MAGI1: variants seen among roughly 807,000 people sequenced by gnomAD.
MAGI1 encodes the protein membrane-associated guanylate kinase, WW and PDZ domain-containing protein 1.
MAGI1 carries 58 observed loss-of-function variants against 139.9 expected under a neutral mutation model. The observed-to-expected ratio is 0.41, with a 90% CI of 0.34 to 0.52. MAGI1 has a LOEUF of 0.52. Ranked by LOEUF, MAGI1 falls within the 20% of genes least tolerant of loss-of-function variation. MAGI1 has a pLI of 0.12. For missense variants in MAGI1, 1,874 were observed against 1,901.6 expected, an observed-to-expected ratio of 0.99 and a Z score of 0.27; for synonymous variants, 812 against 737.9, an observed-to-expected ratio of 1.10 and a Z score of -1.63.
At chr3:65,476,834 G>T (rs1164277826) in intron 4 of MAGI1, among the ~76,000 whole-genome samples, 2 of 152,096 alleles carry the variant, frequency 1.3e-5, no homozygotes, top group Admixed American at 1.3e-4. Context: ...ATTTTGGTAA[G>T]GGCCACTATA....
At chr3:65,574,251 A>G (rs777270849) in intron 2 of MAGI1, among the ~76,000 whole-genome samples, 1 of 151,020 alleles carries the variant, frequency 6.6e-6, no homozygotes, top group South Asian at 2.1e-4. Context: ...GTATATATAT[A>G]TACATACATA....
At chr3:66,006,707 C>T (rs1429047143) in intron 1 of MAGI1, among the ~76,000 whole-genome samples, 1 of 152,158 alleles carries the variant, frequency 6.6e-6, no homozygotes, top group Non-Finnish European at 1.5e-5. Context: ...AACATATCAA[C>T]ACACAGACAC....
chr3:65,592,946 G>A (rs537427965), intron 2 of MAGI1, among the ~76,000 whole-genome samples: 5 of 151,988 alleles, frequency 3.3e-5, no homozygotes, highest in African/African-American at 1.2e-4. Flanking sequence ...GAGGGCAGGG[G>A]GTTTTTATAT....
At position 65,612,249 on chromosome 3, in the gene MAGI1, G is replaced by C. The variant is rs139160022; in HGVS notation, c.430+9723C>G. Among the ~76,000 whole-genome samples, 109 of 152,114 alleles carry C rather than the reference G, an allele frequency of 7.2e-4. 1 individual carries two copies. Among genetic ancestry groups the C allele is most frequent in the African/African-American group, 2.5e-3 (103 of 41,532 alleles). On this transcript the variant is annotated intron_variant, in intron 2 of 22. Transcript: ENST00000402939. ...TAGAAAATATCAAATTTACAGAACAGTGCAAGAATAAGAATAGTACAAATA... is the reference window on the plus strand; with the variant it reads ...TAGAAAATATCAAATTTACAGAACACTGCAAGAATAAGAATAGTACAAATA...
At chr3:65,564,731 C>A (rs1337554947) in intron 2 of MAGI1, among the ~76,000 whole-genome samples, 1 of 152,204 alleles carries the variant, frequency 6.6e-6, no homozygotes. Flanking sequence ...GTACTCTAAC[C>A]TGCAGCTAGG....
intron 5 of MAGI1, among the ~76,000 whole-genome samples, chr3:65,455,774 GT>G (rs949115143): frequency 6.6e-6 from 1 of 152,080 alleles, no homozygotes; most frequent in African/African-American, 2.4e-5. Flanking sequence ...TAAAAAGAAT[GT>G]TATGTAAATG....
At chr3:65,419,221 T>TACACACACACACACAC (rs71102854) in intron 12 of MAGI1, among the ~76,000 whole-genome samples, 1,185 of 86,270 alleles carry the variant, frequency 0.014, 8 homozygotes, top group African/African-American at 0.054. Flanking sequence ...AACACATTCA[T>TACACACACACACACAC]ACACACACAC....
chr3:65,832,875 G>A (rs2042601666), intron 1 of MAGI1, among the ~76,000 whole-genome samples: 1 of 152,092 alleles, frequency 6.6e-6, no homozygotes, highest in Admixed American at 6.6e-5. Flanking sequence ...TCAATGTGGG[G>A]GAGCTTGAAT....
chr3:66,002,613 A>T (rs543037859), intron 1 of MAGI1, among the ~76,000 whole-genome samples: 2 of 152,080 alleles, frequency 1.3e-5, no homozygotes, highest in Non-Finnish European at 2.9e-5. Context: ...CCTCCCTGGT[A>T]GAGGGATTCT....
rs2077020194 is a variant in MAGI1 at position 65,499,932 on chromosome 3, G to A, written c.431-6301C>T. On this transcript the variant is annotated intron_variant, in intron 2 of 22. Transcript: ENST00000402939. ...TATCAATAGGCAGGTAACTGTCTTG[G>A]CATTTTATAAACTGAATGAAATCAT... 2.0e-5 allele frequency among the ~76,000 whole-genome samples: 3 copies of A among 152,078 alleles called. No homozygotes were observed. The South Asian group carries it at 6.2e-4, about 32-fold the overall frequency.
At chr3:65,681,755 C>G (rs1260803517) in intron 1 of MAGI1, among the ~76,000 whole-genome samples, 1 of 152,120 alleles carries the variant, frequency 6.6e-6, no homozygotes, top group African/African-American at 2.4e-5. Flanking sequence ...TAAATTTGAA[C>G]AAAATGAAAA....
intron 1 of MAGI1, among the ~76,000 whole-genome samples, chr3:65,950,989 AAGGAAGGAAGGAAGG>A (rs2063815817): frequency 4.3e-5 from 5 of 115,104 alleles, no homozygotes; most frequent in African/African-American, 1.7e-4. Flanking sequence ...GGAAGGAAGG[AAGGAAGGAAGGAAGG>A]AAGGAAGGAA....
chr3:65,404,568 T>A (rs538827660), intron 12 of MAGI1, among the ~76,000 whole-genome samples: 132 of 152,296 alleles, frequency 8.7e-4, no homozygotes, highest in African/African-American at 2.9e-3. Flanking sequence ...TTGATTGCTT[T>A]TTAAAAAAAG....
intron 1 of MAGI1, among the ~76,000 whole-genome samples, chr3:66,018,951 TA>T (rs745783633): frequency 1.3e-5 from 2 of 152,146 alleles, no homozygotes; most frequent in Non-Finnish European, 2.9e-5. Flanking sequence ...CCCTGAGCCA[TA>T]TCCAATTGGA....
At chr3:65,433,485 G>C (rs62252638) in intron 10 of MAGI1, among the ~76,000 whole-genome samples, 2 of 151,964 alleles carry the variant, frequency 1.3e-5, no homozygotes, top group Non-Finnish European at 2.9e-5. Context: ...TATTTTTTAC[G>C]TATGGGTGGA....
At chr3:65,687,418 G>A (rs746609387) in intron 1 of MAGI1, 2 of 359,440 alleles carry the variant, frequency 5.6e-6, no homozygotes, top group Non-Finnish European at 1.1e-5. Flanking sequence ...TGTGTGAAAT[G>A]GCCCTCCCCT....
At chr3:65,582,863 C>T (rs1237887204) in intron 2 of MAGI1, among the ~76,000 whole-genome samples, 1 of 152,204 alleles carries the variant, frequency 6.6e-6, no homozygotes, top group Non-Finnish European at 1.5e-5. Flanking sequence ...GACATGACTT[C>T]TCCTTCTACA....
Position 66,038,049 on chromosome 3 carries a change from A to C in MAGI1, c.260T>G (p.Leu87Arg), listed in dbSNP as rs765395986. 1 of 1,611,218 alleles carries C rather than the reference A, an allele frequency of 6.2e-7. No homozygotes were observed. Among genetic ancestry groups the C allele is most frequent in the Non-Finnish European group, 8.5e-7 (1 of 1,178,660 alleles). ...CTCCTTGCAGCTGTCGATGACCCCCAGCACGTCATAGCGGGGCAAGCCGGA... is the reference window on the plus strand; with the variant it reads ...CTCCTTGCAGCTGTCGATGACCCCCCGCACGTCATAGCGGGGCAAGCCGGA... ...RVSGLPRYDVLGVIDSCKEAV... is the reference protein window; with the variant it reads ...RVSGLPRYDVRGVIDSCKEAV... Residue 87 changes from leucine to arginine, a missense_variant, in exon 1 of 23, where the codon CTG becomes CGG. Transcript: ENST00000402939.
intron 1 of MAGI1, among the ~76,000 whole-genome samples, chr3:65,867,672 G>A (rs766403765): frequency 6.6e-6 from 1 of 152,136 alleles, no homozygotes; most frequent in South Asian, 2.1e-4. Context: ...AGAATTACAT[G>A]AGCCTAGAAG....
Sources: gnomAD v4.1 joint callset for allele counts (sites outside exome capture counted in the v4.1 genomes callset) on GRCh38, gnomAD v4.1.1 for gene constraint, MANE v1.5 for transcripts, NCBI Gene and HGNC (gene_info 2026-07-23, HGNC 2026-07-21) for gene names.